Variants in GRM8 observed in about 807,000 individuals in gnomAD.
The protein encoded by GRM8 is metabotropic glutamate receptor 8.
In GRM8, 47 loss-of-function variants were observed where a neutral mutation model predicts 87.2. That is an observed-to-expected ratio of 0.54 (90% CI 0.43 to 0.69). The LOEUF (loss-of-function observed/expected upper bound fraction) is 0.69, where lower values mean the gene tolerates loss of function less well. Among genes scored for constraint, GRM8 ranks in the 30% least tolerant of loss-of-function variants. The pLI is 0.00. For missense variants in GRM8, 1,019 were observed against 1,139.2 expected (o/e 0.89, Z 1.52); for synonymous variants, 396 against 404.5 (o/e 0.98, Z 0.25).
intron 2 of GRM8, among the ~76,000 whole-genome samples, chr7:127,179,018 C>G (rs982167995): frequency 4.6e-5 from 7 of 152,250 alleles, no homozygotes; most frequent in Admixed American, 4.6e-4. Flanking sequence ...CATATCAATA[C>G]TACATTGAAT....
chr7:126,511,099 G>A (rs1811306755), intron 9 of GRM8: 1 of 152,068 alleles, frequency 6.6e-6, no homozygotes, highest in Non-Finnish European at 1.5e-5. Flanking sequence ...TTTTCTCTAT[G>A]GAGATATCTA....
intron 6 of GRM8, among the ~76,000 whole-genome samples, chr7:126,883,616 CA>C (rs1800217624): frequency 6.6e-6 from 1 of 152,046 alleles, no homozygotes; most frequent in South Asian, 2.1e-4. Context: ...TTTTAGATTG[CA>C]GACCTATGTT....
intron 2 of GRM8, among the ~76,000 whole-genome samples, chr7:127,174,995 G>A (rs1261126320): frequency 6.6e-6 from 1 of 152,076 alleles, no homozygotes; most frequent in East Asian, 1.9e-4. Context: ...ATAAATGACA[G>A]CTTCTACCCA....
intron 6 of GRM8, among the ~76,000 whole-genome samples, chr7:126,865,244 A>G (rs1376516595): frequency 6.6e-6 from 1 of 152,254 alleles, no homozygotes; most frequent in African/African-American, 2.4e-5. Context: ...CTTTCTTGGT[A>G]TTGGAATTTT....
Position 126,533,137 on chromosome 7 carries a change from G to A in GRM8, c.2245C>T (p.Leu749Phe). Residue 749 changes from leucine to phenylalanine, a missense_variant, in exon 9 of 11, where the codon CTC becomes TTC. Transcript: ENST00000339582. ...ATACTGTATCCAAGTGAACAAATGA[G>A]TGAGAGATCAGAAATGTCACACTTG... ...VLKCDISDLS[L>F]ICSLGYSILL... The A allele has an allele frequency of 6.2e-7, 1 of 1,613,266 alleles. No homozygotes were observed. The highest frequency in any genetic ancestry group is 8.5e-7 in the Non-Finnish European group (1 of 1,179,828).
At chr7:126,491,872 A>G (rs764261569) in intron 9 of GRM8, among the ~76,000 whole-genome samples, 8 of 152,052 alleles carry the variant, frequency 5.3e-5, no homozygotes, top group Non-Finnish European at 1.0e-4. Flanking sequence ...TCATTCATAC[A>G]GATCATATAT....
chr7:126,943,932 G>A (rs1284483230), intron 3 of GRM8, among the ~76,000 whole-genome samples: 2 of 152,154 alleles, frequency 1.3e-5, no homozygotes, highest in African/African-American at 2.4e-5. Context: ...TTTCACCCAC[G>A]TGCTTGATGA....
At chr7:126,646,306 A>AAGGAAGGAAGGAAGGAAG (rs1554436859) in intron 7 of GRM8, among the ~76,000 whole-genome samples, 6 of 35,800 alleles carry the variant, frequency 1.7e-4, no homozygotes, top group East Asian at 1.8e-3. Flanking sequence ...AAGGAAGGAA[A>AAGGAAGGAAGGAAGGAAG]GAAGGAAGGA....
chr7:127,122,120 A>G (rs1563527625), intron 2 of GRM8, among the ~76,000 whole-genome samples: 1 of 152,176 alleles, frequency 6.6e-6, no homozygotes, highest in Non-Finnish European at 1.5e-5. Context: ...ATACACTGCT[A>G]TTCTTCAGCA....
At chr7:126,940,833 C>T (rs1488424086) in intron 3 of GRM8, among the ~76,000 whole-genome samples, 1 of 152,142 alleles carries the variant, frequency 6.6e-6, no homozygotes, top group Non-Finnish European at 1.5e-5. Context: ...TGGTCCTTGG[C>T]TGGTTGTCCC....
intron 6 of GRM8, among the ~76,000 whole-genome samples, chr7:126,867,419 T>G (rs1241874036): frequency 2.0e-5 from 3 of 152,220 alleles, no homozygotes; most frequent in African/African-American, 7.2e-5. Context: ...CACTGTAGGT[T>G]TATTTGACAT....
At chr7:126,601,964 T>C (rs1245565177) in intron 8 of GRM8, among the ~76,000 whole-genome samples, 39 of 128,458 alleles carry the variant, frequency 3.0e-4, no homozygotes, top group African/African-American at 4.6e-4. Flanking sequence ...ATTTTGTCTT[T>C]TGTTGCCATT....
intron 2 of GRM8, among the ~76,000 whole-genome samples, chr7:127,142,914 TA>T (rs1348744784): frequency 6.6e-6 from 1 of 151,924 alleles, no homozygotes; most frequent in African/African-American, 2.4e-5. Flanking sequence ...AGTCATGATT[TA>T]AAAAAAATAA....
intron 3 of GRM8, among the ~76,000 whole-genome samples, chr7:126,944,328 G>C (rs1158281000): frequency 6.6e-6 from 1 of 152,130 alleles, no homozygotes; most frequent in Non-Finnish European, 1.5e-5. Flanking sequence ...GGCTGCATGC[G>C]ACATCCCAAA....
chr7:126,959,198 C>G (rs779993525), intron 3 of GRM8, among the ~76,000 whole-genome samples: 12 of 152,138 alleles, frequency 7.9e-5, no homozygotes, highest in East Asian at 1.9e-4. Flanking sequence ...TTGGTAGAAC[C>G]TATAATTGAA....
chr7:127,036,831 C>A lies in GRM8; in HGVS notation c.727+69665G>T, dbSNP rs565998521. 8.5e-5 allele frequency among the ~76,000 whole-genome samples: 13 copies of A among 152,278 alleles called. No individual in the cohort carries two copies. The South Asian group carries it at 2.5e-3, about 29-fold the overall frequency. On this transcript the variant is annotated intron_variant, in intron 3 of 10. Coordinates refer to ENST00000339582, the MANE Select transcript of GRM8 (RefSeq NM_000845.3). The stretch of plus-strand genomic sequence containing the variant: ...GTTCTGTCTTTTCTTCTGGATCCTA[C>A]GGCATTTTCAACTAACCAGGTTTTT...
intron 8 of GRM8, among the ~76,000 whole-genome samples, chr7:126,565,827 TA>T (rs1794165329): frequency 1.3e-5 from 2 of 152,110 alleles, no homozygotes; most frequent in African/African-American, 2.4e-5. Context: ...GGTACTGGTA[TA>T]AATACAGACA....
chr7:127,094,363 G>C (rs889262530), intron 3 of GRM8, among the ~76,000 whole-genome samples: 1 of 152,200 alleles, frequency 6.6e-6, no homozygotes, highest in Non-Finnish European at 1.5e-5. Flanking sequence ...GATCACAGAA[G>C]CTAATCCCTC....
intron 3 of GRM8, among the ~76,000 whole-genome samples, chr7:126,997,827 T>C (rs1813334512): frequency 6.6e-6 from 1 of 151,900 alleles, no homozygotes; most frequent in South Asian, 2.1e-4. Context: ...TGGGAACCAA[T>C]GGCTTCAGTG....
Sources: allele counts gnomAD v4.1 joint callset (sites outside exome capture counted in the v4.1 genomes callset), GRCh38; gene constraint gnomAD v4.1.1; transcripts MANE v1.5; gene names NCBI Gene and HGNC (gene_info 2026-07-23, HGNC 2026-07-21).